TRPC4: variants seen among roughly 807,000 people sequenced by gnomAD.
The protein encoded by TRPC4 is transient receptor potential cation channel subfamily C member 4.
In TRPC4, 49 loss-of-function variants were observed where a neutral mutation model predicts 99.4. The ratio of observed to expected loss-of-function variants is 0.49; its 90% confidence interval spans 0.39 to 0.63. The LOEUF (loss-of-function observed/expected upper bound fraction) is 0.63. Among genes scored for constraint, TRPC4 ranks in the 20% least tolerant of loss-of-function variants. TRPC4 has a pLI of 0.00. For missense variants in TRPC4, 898 were observed against 1,152.9 expected, an observed-to-expected ratio of 0.78 and a Z score of 3.20; for synonymous variants, 454 against 425.9, an observed-to-expected ratio of 1.07 and a Z score of -0.81.
Position 37,745,456 on chromosome 13 carries a change from A to ATATATATATATATATGCGTG in TRPC4, c.897+480_897+481insCACGCATATATATATATATA, listed in dbSNP as rs1955719462. 4.3e-3 allele frequency among the ~76,000 whole-genome samples: 13 copies of ATATATATATATATATGCGTG among 3,020 alleles called. 1 individual carries two copies. Among genetic ancestry groups the ATATATATATATATATGCGTG allele is most frequent in the Non-Finnish European group, 0.025 (11 of 436 alleles). 2.0% of individuals were successfully genotyped at this position (3,020 alleles called of 152,430 possible). ...TATGCGTATATATATATATATATAT[A>ATATATATATATATATGCGTG]TATATATATATATATATACACACAC... is the stretch of plus-strand genomic sequence containing the variant. On this transcript the variant is annotated intron_variant, in intron 3 of 10. Transcript: ENST00000379705.
At chr13:37,851,485 C>T (rs570871450) in intron 1 of TRPC4, among the ~76,000 whole-genome samples, 1 of 151,844 alleles carries the variant, frequency 6.6e-6, no homozygotes, top group Non-Finnish European at 1.5e-5. Context: ...TTTTATGAGA[C>T]CTAAAATATA....
chr13:37,707,514 T>C (rs764453855), intron 3 of TRPC4, among the ~76,000 whole-genome samples: 3 of 152,180 alleles, frequency 2.0e-5, no homozygotes, highest in Non-Finnish European at 4.4e-5. Context: ...TAGTAGTTAG[T>C]TACGTATATA....
chr13:37,710,807 T>A (rs960014475), intron 3 of TRPC4, among the ~76,000 whole-genome samples: 1 of 151,898 alleles, frequency 6.6e-6, no homozygotes, highest in South Asian at 2.1e-4. Flanking sequence ...CAGTTACAGA[T>A]TTTCAATTAG....
chr13:37,742,776 G>A (rs975288513), intron 3 of TRPC4, among the ~76,000 whole-genome samples: 7 of 152,078 alleles, frequency 4.6e-5, no homozygotes, highest in Admixed American at 1.3e-4. Context: ...TGCTAAAGCA[G>A]AATTTTCTTT....
rs1013388249 is a variant in TRPC4, at chr13:37,634,072, T to C, written c.*2831A>G. On this transcript the variant is annotated 3_prime_UTR_variant, in exon 11 of 11. Coordinates refer to ENST00000379705, the MANE Select transcript of TRPC4 (RefSeq NM_016179.4). ...CCTTCACCTAACTCAGACACAAAAT[T>C]TAAGAAAAACAGATTTTTTAAGATT... 6.6e-6 allele frequency among the ~76,000 whole-genome samples: 1 copy of C among 151,940 alleles called. No homozygotes were observed. Among genetic ancestry groups the C allele is most frequent in the African/African-American group, 2.4e-5 (1 of 41,380 alleles).
chr13:37,716,918 A>G (rs985053352), intron 3 of TRPC4, among the ~76,000 whole-genome samples: 3 of 151,978 alleles, frequency 2.0e-5, no homozygotes, highest in Non-Finnish European at 4.4e-5. Context: ...GATATAGGAG[A>G]CTAAGAGAGA....
At chr13:37,821,087 G>C (rs769417197) in intron 1 of TRPC4, among the ~76,000 whole-genome samples, 58 of 151,876 alleles carry the variant, frequency 3.8e-4, no homozygotes, top group Non-Finnish European at 7.4e-4. Context: ...CTTCAGCAAA[G>C]TTTTGGGATA....
Position 37,842,890 on chromosome 13 carries a change from C to T in TRPC4, c.-28+26705G>A, listed in dbSNP as rs75427169. 9.3e-3 allele frequency among the ~76,000 whole-genome samples: 1,419 copies of T among 152,248 alleles called. 35 individuals are homozygous for T. In the East Asian group the frequency reaches 0.1, roughly 11 times the overall value. ...AGTAAGGATGCTATATTTTCCTAGACGCTGTACAGCTGTAATTAAATCTAG... is the reference window on the plus strand; with the variant it reads ...AGTAAGGATGCTATATTTTCCTAGATGCTGTACAGCTGTAATTAAATCTAG... On this transcript the variant is annotated intron_variant, in intron 1 of 10. Transcript: ENST00000379705.
At chr13:37,844,657 G>A (rs1040657130) in intron 1 of TRPC4, among the ~76,000 whole-genome samples, 6 of 151,886 alleles carry the variant, frequency 4.0e-5, no homozygotes, top group African/African-American at 1.2e-4. Flanking sequence ...AGATGCTCTC[G>A]TTAAGCTTTT....
At chr13:37,761,068 A>G (rs1022498501) in intron 2 of TRPC4, among the ~76,000 whole-genome samples, 1 of 151,918 alleles carries the variant, frequency 6.6e-6, no homozygotes, top group African/African-American at 2.4e-5. Flanking sequence ...GAAAAAGGAC[A>G]CGTGTTGATA....
intron 3 of TRPC4, among the ~76,000 whole-genome samples, chr13:37,725,923 A>G (rs921879027): frequency 2.6e-5 from 4 of 152,090 alleles, no homozygotes; most frequent in Admixed American, 2.6e-4. Flanking sequence ...AAAAGTTAGT[A>G]TTGGCAGCTC....
At chr13:37,671,995 C>T (rs1223429802) in intron 5 of TRPC4, among the ~76,000 whole-genome samples, 2 of 152,250 alleles carry the variant, frequency 1.3e-5, no homozygotes, top group South Asian at 2.1e-4. Flanking sequence ...CTCCACATAC[C>T]GTTTCTCCCT....
chr13:37,812,184 A>AAAAAAAAAAAAAAAAAAAAAACAAAC (rs1566188857), intron 1 of TRPC4, among the ~76,000 whole-genome samples: 1 of 147,930 alleles, frequency 6.8e-6, no homozygotes, highest in African/African-American at 2.5e-5. Context: ...ATCAAAAAAA[A>AAAAAAAAAAAAAAAAAAAAAACAAAC]AAAAAAAAAA....
Position 37,812,680 on chromosome 13 carries a change from G to T in TRPC4, c.-27-29320C>A, listed in dbSNP as rs74047189. On this transcript the variant is annotated intron_variant, in intron 1 of 10. Transcript: ENST00000379705. ...TATTTAATTAGTGCCTCTTGAGAGAGAGAAGGTTAAAAATATTTGAAAAAT... is the reference window on the plus strand; with the variant it reads ...TATTTAATTAGTGCCTCTTGAGAGATAGAAGGTTAAAAATATTTGAAAAAT... Among the ~76,000 whole-genome samples, 984 of 152,086 alleles carry T rather than the reference G, an allele frequency of 6.5e-3. 13 individuals are homozygous for T. Among genetic ancestry groups the T allele is most frequent in the African/African-American group, 0.022 (933 of 41,522 alleles).
intron 1 of TRPC4, among the ~76,000 whole-genome samples, chr13:37,814,059 A>G (rs1221105654): frequency 6.6e-6 from 1 of 151,902 alleles, no homozygotes; most frequent in Non-Finnish European, 1.5e-5. Context: ...CAACAAATCA[A>G]TACAATAAAA....
chr13:37,846,381 A>G (rs76532948), intron 1 of TRPC4, among the ~76,000 whole-genome samples: 4,811 of 152,236 alleles, frequency 0.032, 258 homozygotes, highest in African/African-American at 0.11. Context: ...GCAACAATAA[A>G]TTGCTAAGAA....
intron 1 of TRPC4, among the ~76,000 whole-genome samples, chr13:37,826,108 T>G (rs1958197274): frequency 7.7e-6 from 1 of 129,322 alleles, no homozygotes; most frequent in Admixed American, 8.3e-5. Flanking sequence ...CTGCCTTTTT[T>G]TGTTTTCCGT....
chr13:37,691,915 C>A, intron 4 of TRPC4, 84 bp downstream of exon 4: 1 of 1,324,826 alleles, frequency 7.5e-7, no homozygotes, highest in East Asian at 2.4e-5. Context: ...TCCTAGGTCC[C>A]AAACATTAAT....
intron 4 of TRPC4, among the ~76,000 whole-genome samples, chr13:37,678,106 T>A (rs1012718261): frequency 6.6e-6 from 1 of 152,108 alleles, no homozygotes; most frequent in African/African-American, 2.4e-5. Context: ...AAAAACTCTT[T>A]GTGAGGCATC....
Sources: gnomAD v4.1 joint callset for allele counts (sites outside exome capture counted in the v4.1 genomes callset) on GRCh38, gnomAD v4.1.1 for gene constraint, MANE v1.5 for transcripts, NCBI Gene and HGNC (gene_info 2026-07-23, HGNC 2026-07-21) for gene names.